Variants in EML6 observed in about 807,000 individuals in gnomAD.
EML6 encodes echinoderm microtubule-associated protein-like 6.
Under a neutral mutation model 240.1 loss-of-function variants are expected in EML6, and 154 were observed. The ratio of observed to expected loss-of-function variants is 0.64; its 90% CI spans 0.56 to 0.73. The LOEUF (loss-of-function observed/expected upper bound fraction) is 0.73, where lower values mean the gene tolerates loss of function less well. EML6 is among the 30% of genes least tolerant of loss of function. The probability of loss-of-function intolerance (pLI) is 0.00; values close to 1 mark genes in which losing one functional copy is unlikely to be tolerated. For missense variants in EML6, 2,964 were observed against 2,474.6 expected (o/e 1.20, Z -4.20); for synonymous variants, 1,148 against 899.0 (o/e 1.28, Z -4.95).
At chr2:54,851,826 C>T (rs927388153) in intron 10 of EML6, among the ~76,000 whole-genome samples, 1 of 152,122 alleles carries the variant, frequency 6.6e-6, no homozygotes, top group Non-Finnish European at 1.5e-5. Flanking sequence ...AATTCTGCAG[C>T]AGGGTTAGAA....
intron 28 of EML6, among the ~76,000 whole-genome samples, chr2:54,941,213 CATT>C (rs1675411587): frequency 6.6e-6 from 1 of 152,172 alleles, no homozygotes; most frequent in African/African-American, 2.4e-5. Context: ...AAATTGGTAT[CATT>C]AGCATATCTT....
chr2:54,899,865 C>T (rs753066071), intron 22 of EML6, 83 bp downstream of exon 22: 24 of 1,356,718 alleles, frequency 1.8e-5, no homozygotes, highest in Non-Finnish European at 2.3e-5. Flanking sequence ...TTAATATTTA[C>T]TGAGGGCACG....
intron 2 of EML6, among the ~76,000 whole-genome samples, chr2:54,737,192 T>C (rs1481791217): frequency 6.6e-6 from 1 of 152,232 alleles, no homozygotes; most frequent in African/African-American, 2.4e-5. Context: ...AGAAGATGTG[T>C]GCTGAAATAC....
At chr2:54,802,089 G>A (rs1670182603) in intron 2 of EML6, among the ~76,000 whole-genome samples, 1 of 152,052 alleles carries the variant, frequency 6.6e-6, no homozygotes, top group African/African-American at 2.4e-5. Flanking sequence ...TCCATTATAG[G>A]CTAGGCACGG....
chr2:54,760,237 A>G (rs1475676176), intron 2 of EML6, among the ~76,000 whole-genome samples: 1 of 151,960 alleles, frequency 6.6e-6, no homozygotes, highest in Non-Finnish European at 1.5e-5. Flanking sequence ...GAACATTCCA[A>G]ATGAAGCTTT....
intron 35 of EML6, among the ~76,000 whole-genome samples, chr2:54,961,428 C>G (rs1573223062): frequency 6.6e-6 from 1 of 151,334 alleles, no homozygotes; most frequent in South Asian, 2.1e-4. Context: ...CTCAGGTGAT[C>G]CACCCACCAC....
chr2:54,735,796 A>G (rs977593767), intron 2 of EML6, among the ~76,000 whole-genome samples: 1 of 152,232 alleles, frequency 6.6e-6, no homozygotes, highest in Non-Finnish European at 1.5e-5. Flanking sequence ...TGAAGTGTTT[A>G]TAAGAGGGAA....
At chr2:54,963,932 G>C (rs770763524) in intron 36 of EML6, 54 bp from the exon 37 acceptor site, 1 of 1,493,030 alleles carries the variant, frequency 6.7e-7, no homozygotes, top group Admixed American at 2.3e-5. Flanking sequence ...ATGTCTCCTG[G>C]AGACCAGCTG....
intron 5 of EML6, among the ~76,000 whole-genome samples, chr2:54,821,306 CAG>C (rs918735601): frequency 6.6e-6 from 1 of 151,998 alleles, no homozygotes; most frequent in African/African-American, 2.4e-5. Context: ...TAGAAGGGGA[CAG>C]AGGATAAAAT....
chr2:54,788,465 G>A (rs1669209749), intron 2 of EML6, among the ~76,000 whole-genome samples: 1 of 150,730 alleles, frequency 6.6e-6, no homozygotes, highest in South Asian at 2.1e-4. Context: ...TTAGGATTAG[G>A]CGTCCAGCTG....
intron 2 of EML6, among the ~76,000 whole-genome samples, chr2:54,727,158 T>A (rs1401664539): frequency 6.6e-6 from 1 of 152,214 alleles, no homozygotes; most frequent in African/African-American, 2.4e-5. Flanking sequence ...TAACTGGGTT[T>A]GCAGGGAGCC....
rs542575389 is a variant in EML6 at position 54,908,712 on chromosome 2, C to T, written c.3410-2242C>T. On this transcript the variant is annotated intron_variant, in intron 24 of 41. Transcript: ENST00000356458. ...TCTACTTCATCTGCACATGGCCCAG[C>T]CTCGGCTGCCCCAAAATGCCACCCA... 8.0e-4 allele frequency among the ~76,000 whole-genome samples: 122 copies of T among 152,260 alleles called. 2 individuals carry two copies. The highest frequency in any genetic ancestry group is 2.9e-3 in the African/African-American group (120 of 41,544).
At chr2:54,823,878 T>TCTCTCTCTCTCTGTCTG (rs60937620) in intron 5 of EML6, among the ~76,000 whole-genome samples, 1 of 129,124 alleles carries the variant, frequency 7.7e-6, no homozygotes, top group African/African-American at 3.4e-5. Flanking sequence ...CTCTCTCTCT[T>TCTCTCTCTCTCTGTCTG]TCTGTCTCTC....
intron 6 of EML6, 101 bp downstream of exon 6, chr2:54,827,852 C>T: frequency 1.3e-6 from 1 of 784,154 alleles, no homozygotes; most frequent in South Asian, 1.8e-5. Context: ...AATCAGAGAA[C>T]CCTGCTGAAC....
intron 3 of EML6, 93 bp downstream of exon 3, chr2:54,813,484 A>T (rs1667951371): frequency 9.1e-7 from 1 of 1,103,836 alleles, no homozygotes; most frequent in Admixed American, 2.5e-5. Context: ...AAGTCCATCA[A>T]CCCTTGCTGG....
At chr2:54,734,023 C>T (rs552805237) in intron 2 of EML6, among the ~76,000 whole-genome samples, 2 of 152,108 alleles carry the variant, frequency 1.3e-5, no homozygotes, top group African/African-American at 4.8e-5. Flanking sequence ...TAAAGGGATA[C>T]TAAAAGGGCT....
At position 54,769,039 on chromosome 2, in the gene EML6, C is replaced by A. The variant is rs116495523; in HGVS notation, c.197+43781C>A. 3.9e-3 allele frequency among the ~76,000 whole-genome samples: 594 copies of A among 152,262 alleles called. 1 individual carries two copies. Among genetic ancestry groups the A allele is most frequent in the Non-Finnish European group, 5.9e-3 (402 of 68,018 alleles). ...GAAAGCTGGGTAGTTAAGAACCACA[C>A]TATCCAAGAAGCTGGGAAATGACTT... On this transcript the variant is annotated intron_variant, in intron 2 of 41. Transcript: ENST00000356458.
At chr2:54,731,723 A>G (rs1343389204) in intron 2 of EML6, among the ~76,000 whole-genome samples, 1 of 152,196 alleles carries the variant, frequency 6.6e-6, no homozygotes, top group Non-Finnish European at 1.5e-5. Context: ...CTTATAAAGA[A>G]TTGTATCAGT....
At position 54,959,123 on chromosome 2, in the gene EML6, G is replaced by A; in HGVS notation, c.4715G>A (p.Gly1572Asp). 6.4e-7 allele frequency: 1 copy of A among 1,551,038 alleles called. No homozygotes were observed. The highest frequency in any genetic ancestry group is 8.7e-7 in the Non-Finnish European group (1 of 1,146,778). Residue 1572 changes from glycine to aspartate, a missense_variant, in exon 34 of 42, where the codon GGT (glycine) becomes GAT (aspartate). Coordinates refer to ENST00000356458, the MANE Select transcript of EML6 (RefSeq NM_001039753.4). The part of the protein sequence containing the change: ...AFGANNLTFT[G>D]AINGDVYVWK... The stretch of plus-strand genomic sequence containing the variant: ...TTACAGAACAATCTCACTTTCACGG[G>A]TGCCATCAATGGAGATGTCTACGTC...
Sources: allele counts gnomAD v4.1 joint callset (sites outside exome capture counted in the v4.1 genomes callset), GRCh38; gene constraint gnomAD v4.1.1; transcripts MANE v1.5; gene names NCBI Gene and HGNC (gene_info 2026-07-23, HGNC 2026-07-21).